Variants in ADGRA3 observed in about 807,000 individuals in gnomAD.
ADGRA3 encodes the protein G-protein coupled receptor 125.
Under a neutral mutation model 119.8 loss-of-function variants are expected in ADGRA3, and 56 were observed. That is an observed-to-expected ratio of 0.47 (90% CI 0.38 to 0.58). The LOEUF is 0.58. Among genes scored for constraint, ADGRA3 ranks in the 20% least tolerant of loss-of-function variants. The pLI is 0.00. For missense variants in ADGRA3, 1,516 were observed against 1,649.0 expected, an observed-to-expected ratio of 0.92 and a Z score of 1.40; for synonymous variants, 607 against 623.8, an observed-to-expected ratio of 0.97 and a Z score of 0.40.
At chr4:22,412,077 T>C (rs1715229410) in intron 14 of ADGRA3, among the ~76,000 whole-genome samples, 1 of 152,120 alleles carries the variant, frequency 6.6e-6, no homozygotes, top group Non-Finnish European at 1.5e-5. Flanking sequence ...ATGTAAAATA[T>C]ATCATGTTTC....
chr4:22,475,597 G>A (rs1056491282), intron 1 of ADGRA3, among the ~76,000 whole-genome samples: 1 of 152,018 alleles, frequency 6.6e-6, no homozygotes, highest in Admixed American at 6.6e-5. Context: ...CGTAGTGGTG[G>A]GCACCTATAT....
Position 22,509,567 on chromosome 4 carries a change from C to T in ADGRA3, c.257+5961G>A, listed in dbSNP as rs73114192. Among the ~76,000 whole-genome samples the T allele has an allele frequency of 7.3e-3, 1,113 of 152,020 alleles. 15 individuals are homozygous for T. Among genetic ancestry groups the T allele is most frequent in the African/African-American group, 0.026 (1,059 of 41,508 alleles). ...TTCACTCAGCATCTTCACTTAGCAC[C>T]TTCCCCCGTAGGTAGGGATAACTAC... On this transcript the variant is annotated intron_variant, in intron 1 of 18. Coordinates refer to ENST00000334304, the MANE Select transcript of ADGRA3 (RefSeq NM_145290.4).
chr4:22,390,138 G>A (rs6855769), intron 17 of ADGRA3, among the ~76,000 whole-genome samples: 66,377 of 151,250 alleles, frequency 0.44, 18,563 homozygotes, highest in African/African-American at 0.8. Context: ...TCTTCCTGCT[G>A]TACTAATTCA....
At chr4:22,475,106 A>G (rs1717992158) in intron 1 of ADGRA3, among the ~76,000 whole-genome samples, 2 of 152,202 alleles carry the variant, frequency 1.3e-5, no homozygotes, top group South Asian at 2.1e-4. Flanking sequence ...AGGAATTCCT[A>G]AAGTGAAGCA....
intron 14 of ADGRA3, among the ~76,000 whole-genome samples, chr4:22,406,960 G>C (rs376582570): frequency 6.6e-6 from 1 of 152,244 alleles, no homozygotes. Context: ...AAAAAAATCT[G>C]GCTAGATTGG....
intron 1 of ADGRA3, among the ~76,000 whole-genome samples, chr4:22,486,676 T>G (rs1217225055): frequency 1.3e-5 from 2 of 152,158 alleles, no homozygotes; most frequent in African/African-American, 4.8e-5. Flanking sequence ...ATTTTGTATT[T>G]AGGGTCATTT....
intron 1 of ADGRA3, among the ~76,000 whole-genome samples, chr4:22,505,881 C>G (rs1719218806): frequency 6.6e-6 from 1 of 152,024 alleles, no homozygotes; most frequent in Non-Finnish European, 1.5e-5. Flanking sequence ...AAAAGTCAAG[C>G]CCAGAGATAA....
chr4:22,482,437 C>T (rs553311589), intron 1 of ADGRA3, among the ~76,000 whole-genome samples: 36 of 151,610 alleles, frequency 2.4e-4, no homozygotes, highest in Non-Finnish European at 4.1e-4. Flanking sequence ...AGGAGGACTG[C>T]TTGAGCCCAG....
intron 5 of ADGRA3, among the ~76,000 whole-genome samples, chr4:22,446,171 GAA>G (rs1716821976): frequency 6.6e-6 from 1 of 151,932 alleles, no homozygotes; most frequent in African/African-American, 2.4e-5. Flanking sequence ...AAAGAATAAG[GAA>G]AAAAGAAAAA....
At chr4:22,466,812 C>T (rs1717676406) in intron 2 of ADGRA3, among the ~76,000 whole-genome samples, 1 of 152,182 alleles carries the variant, frequency 6.6e-6, no homozygotes, top group Non-Finnish European at 1.5e-5. Flanking sequence ...ACTGTCCTCA[C>T]TGAGAGACCA....
At chr4:22,514,759 T>C (rs1438394873) in intron 1 of ADGRA3, among the ~76,000 whole-genome samples, 1 of 152,162 alleles carries the variant, frequency 6.6e-6, no homozygotes, top group Non-Finnish European at 1.5e-5. Flanking sequence ...CAAAACTACG[T>C]TTGCAAAACT....
chr4:22,387,904 G>A lies in ADGRA3; in HGVS notation c.3767C>T (p.Pro1256Leu), dbSNP rs1397857748. 16 of 1,614,146 alleles carry A rather than the reference G, an allele frequency of 9.9e-6. No individual in the cohort carries two copies. Among genetic ancestry groups the A allele is most frequent in the African/African-American group, 1.3e-5 (1 of 75,040 alleles). The change falls in exon 19 of 19, where the codon CCA (proline) becomes CTA (leucine). Residue 1256 changes from proline to leucine, a missense_variant. By Grantham distance (98) the Pro-to-Leu change is moderately conservative. Around this residue, in one of 2 missense-constraint regions of ADGRA3, gnomAD observed 1,088 missense variants for 1,107.1 expected, o/e 0.98. Transcript: ENST00000334304. ...ATCTTTTTTACTAGTGGTTGAAACTGGCTTTTCAAAATTTCTGCTACTTTT... is the reference window on the plus strand; with the variant it reads ...ATCTTTTTTACTAGTGGTTGAAACTAGCTTTTCAAAATTTCTGCTACTTTT... ...LPKSSRNFEKPVSTTSKKDAL... is the reference protein window; with the variant it reads ...LPKSSRNFEKLVSTTSKKDAL...
intron 1 of ADGRA3, chr4:22,514,510 T>C (rs1719568691): frequency 6.6e-6 from 1 of 152,222 alleles, no homozygotes; most frequent in South Asian, 2.1e-4. Flanking sequence ...AAACCATACT[T>C]TAAGTGTTTT....
chr4:22,507,319 C>T (rs1349003655), intron 1 of ADGRA3, among the ~76,000 whole-genome samples: 2 of 152,072 alleles, frequency 1.3e-5, no homozygotes, highest in Admixed American at 1.3e-4. Flanking sequence ...AGAAAAATGT[C>T]GACACAATAA....
In ADGRA3 at chr4:22,438,379, T is replaced by C; in HGVS notation, c.962A>G (p.Asn321Ser). 1 of 1,613,886 alleles carries C rather than the reference T, an allele frequency of 6.2e-7. No homozygotes were observed. The highest frequency in any genetic ancestry group is 8.5e-7 in the Non-Finnish European group (1 of 1,179,848). ...TTTGGTCTGGACATGACAGCCCCAATTTCCAGTAGATCCAGCCTGAATATT... is the reference window on the plus strand; with the variant it reads ...TTTGGTCTGGACATGACAGCCCCAACTTCCAGTAGATCCAGCCTGAATATT... ...ISNIQAGSTG[N>S]WGCHVQTKRG... The change falls in exon 8 of 19, where the codon AAT becomes AGT. Residue 321 changes from asparagine (N) to serine (S), a missense_variant. By Grantham distance (46) the Asn-to-Ser change is conservative. Coordinates refer to ENST00000334304, the MANE Select transcript of ADGRA3 (RefSeq NM_145290.4).
rs1715842158 is a variant in ADGRA3, at chr4:22,424,311, C to A, written c.1485G>T (p.Leu495Phe). Reference protein sequence around the residue: ...VMVDIASNIMLADERVLWLAQ... With the variant: ...VMVDIASNIMFADERVLWLAQ... ...CCAGCCACAGGACACGTTCATCAGC[C>A]AACATGATGTTACTTGCAATGTCAA... The change falls in exon 11 of 19, where the codon TTG becomes TTT. Residue 495 changes from leucine (L) to phenylalanine (F), a missense_variant. Leu to Phe is a conservative substitution (Grantham distance 22). Around this residue, in one of 2 missense-constraint regions of ADGRA3, gnomAD observed 1,088 missense variants for 1,107.1 expected, o/e 0.98. Transcript: ENST00000334304. 5.0e-6 allele frequency: 8 copies of A among 1,613,722 alleles called. No individual in the cohort carries two copies. In the South Asian group the frequency reaches 7.7e-5, roughly 16 times the overall value.
In ADGRA3 at chr4:22,468,831, A is replaced by G. The variant is rs1010516677; in HGVS notation, c.329+4941T>C. Among the ~76,000 whole-genome samples, 6 of 152,118 alleles carry G rather than the reference A, an allele frequency of 3.9e-5. No homozygotes were observed. In the East Asian group the frequency reaches 9.7e-4, roughly 25 times the overall value. The stretch of plus-strand genomic sequence containing the variant: ...AGGAAGGCTATAGACTAGTGAACAC[A>G]TGGATGATGGATATAAAAGTCTCAG... On this transcript the variant is annotated intron_variant, in intron 2 of 18. Transcript: ENST00000334304.
chr4:22,499,308 G>T (rs1318709268), intron 1 of ADGRA3, among the ~76,000 whole-genome samples: 2 of 152,198 alleles, frequency 1.3e-5, no homozygotes, highest in East Asian at 1.9e-4. Context: ...AGCAGTTAAA[G>T]AATCAGTAAA....
chr4:22,389,274 C>T, intron 17 of ADGRA3, 91 bp from the exon 18 acceptor site: 1 of 831,364 alleles, frequency 1.2e-6, no homozygotes, highest in Non-Finnish European at 2.0e-6. Context: ...AAGTCATTCC[C>T]TGAAGATTAA....
Sources: allele counts gnomAD v4.1 joint callset (sites outside exome capture counted in the v4.1 genomes callset), GRCh38; gene constraint gnomAD v4.1.1; regional missense constraint gnomAD v4.1.1; transcripts MANE v1.5; gene names NCBI Gene and HGNC (gene_info 2026-07-23, HGNC 2026-07-21).